The following IFT140 variants were observed in gnomAD, a reference collection of about 807,000 sequenced individuals.
IFT140 encodes intraflagellar transport 140, also known as intraflagellar transport protein 140 homolog.
Under a neutral mutation model 164.6 loss-of-function variants are expected in IFT140, and 133 were observed. That is an observed-to-expected ratio of 0.81 (90% confidence interval 0.70 to 0.93). IFT140 has a LOEUF of 0.93. IFT140 is among the 40% of genes least tolerant of loss of function. The pLI is 0.00. For synonymous variants in IFT140, 860 were observed against 817.3 expected (o/e 1.05, Z -0.89); for missense variants, 2,045 against 1,972.3 (o/e 1.04, Z -0.70).
intron 19 of IFT140, among the ~76,000 whole-genome samples, chr16:1,547,729 T>A (rs546490043): frequency 4.9e-4 from 75 of 152,190 alleles, no homozygotes; most frequent in Middle Eastern, 6.8e-3. Context: ...AGAGATGGGG[T>A]TTCACCATGT....
rs2141180025 is a variant in IFT140, at chr16:1,526,001, C to T, written c.2654G>A (p.Trp885Ter). The change falls in exon 21 of 31, where the codon TGG (tryptophan) becomes TAG (stop). Residue 885 changes from tryptophan to a stop codon, truncating the protein, a stop_gained. Coordinates refer to ENST00000426508, the MANE Select transcript of IFT140 (RefSeq NM_014714.4). LOFTEE classifies it high-confidence loss of function. Reference sequence around the variant, plus strand: ...CTCGGCTACCTGGAGGGCCTCCTGCCACCGGCCCGCAGCCTGGTAGAACTT... The same window carrying T: ...CTCGGCTACCTGGAGGGCCTCCTGCTACCGGCCCGCAGCCTGGTAGAACTT... ...LNKFYQAAGR[W>*]QEALQVAEHH... 6.2e-7 allele frequency: 1 copy of T among 1,600,032 alleles called. No homozygotes were observed. The highest frequency in any genetic ancestry group is 8.5e-7 in the Non-Finnish European group (1 of 1,173,860).
At chr16:1,540,800 G>A (rs891390387) in intron 19 of IFT140, 1 of 982,190 alleles carries the variant, frequency 1.0e-6, no homozygotes, top group African/African-American at 1.7e-5. Flanking sequence ...ACTTAGTTTT[G>A]GGAATCGAAT....
chr16:1,604,963 A>G (rs2035985816), intron 3 of IFT140, among the ~76,000 whole-genome samples: 1 of 152,056 alleles, frequency 6.6e-6, no homozygotes, highest in Non-Finnish European at 1.5e-5. Context: ...ATTTCAGTTC[A>G]GTTTTGTACA....
At chr16:1,552,192 G>C (rs1157853952) in intron 19 of IFT140, among the ~76,000 whole-genome samples, 4 of 152,284 alleles carry the variant, frequency 2.6e-5, no homozygotes, top group Admixed American at 2.0e-4. Flanking sequence ...GGAGAAACAG[G>C]CTGTGGCCAT....
rs537123341 is a variant in IFT140 at position 1,580,814 on chromosome 16, T to G, written c.1469A>C (p.His490Pro). Residue 490 changes from histidine (H) to proline (P), a missense_variant, in exon 13 of 31, where the codon CAT becomes CCT. Coordinates refer to ENST00000426508, the MANE Select transcript of IFT140 (RefSeq NM_014714.4). ...CTCCACCGTGTAAACGTTTTCTTCATGCATTGCTAACACAGGCGTCTCACA... is the reference window on the plus strand; with the variant it reads ...CTCCACCGTGTAAACGTTTTCTTCAGGCATTGCTAACACAGGCGTCTCACA... ...FLCETPVLAM[H>P]EENVYTVESN... is the part of the protein sequence containing the mutation. 2 of 1,613,964 alleles carry G rather than the reference T, an allele frequency of 1.2e-6. No homozygotes were observed.
Position 1,524,638 on chromosome 16 carries a change from G to A in IFT140, c.3055C>T (p.Gln1019Ter). The A allele has an allele frequency of 6.3e-7, 1 of 1,595,568 alleles. No individual in the cohort carries two copies. Among genetic ancestry groups the A allele is most frequent in the Non-Finnish European group, 8.6e-7 (1 of 1,168,158 alleles). ...NLAASYHLAR[Q>*]YESQEEVGQA... is the part of the protein sequence containing the mutation. ...CCGACCTCCTCCTGGCTCTCGTACTGGCGGGCGAGGTGGTAGGAGGCCGCC... is the reference window on the plus strand; with the variant it reads ...CCGACCTCCTCCTGGCTCTCGTACTAGCGGGCGAGGTGGTAGGAGGCCGCC... Residue 1019 changes from glutamine (Q) to a stop codon, truncating the protein, a stop_gained, in exon 24 of 31, where the codon CAG becomes TAG. Coordinates refer to ENST00000426508, the MANE Select transcript of IFT140 (RefSeq NM_014714.4). LOFTEE classifies it high-confidence loss of function.
intron 30 of IFT140, among the ~76,000 whole-genome samples, chr16:1,515,646 C>G (rs2040314453): frequency 6.6e-6 from 1 of 152,182 alleles, no homozygotes; most frequent in African/African-American, 2.4e-5. Flanking sequence ...ATCCTCCCAC[C>G]TTGGCCTCCC....
chr16:1,601,473 G>A (rs2035792896), intron 4 of IFT140, among the ~76,000 whole-genome samples: 1 of 152,186 alleles, frequency 6.6e-6, no homozygotes, highest in Admixed American at 6.5e-5. Flanking sequence ...TAGGCCTCAG[G>A]AGAGTGGCGT....
At chr16:1,589,376 T>G (rs1210973818) in intron 7 of IFT140, among the ~76,000 whole-genome samples, 1 of 152,206 alleles carries the variant, frequency 6.6e-6, no homozygotes, top group Non-Finnish European at 1.5e-5. Flanking sequence ...CCATCAGGCC[T>G]CACATCCACC....
chr16:1,564,288 T>G lies in IFT140; in HGVS notation c.1902-126A>C. 1.4e-6 allele frequency: 1 copy of G among 701,618 alleles called. No homozygotes were observed. The highest frequency in any genetic ancestry group is 2.1e-6 in the Non-Finnish European group (1 of 465,728). 43.5% of individuals were successfully genotyped at this position (701,618 alleles called of 1,614,324 possible). A position where few individuals can be genotyped will look rare whatever the true frequency, so the allele number is the denominator to read the frequency against. ...ACCATGGTGTCCACGCGCTCAGCTCTGGGAGAACTTTTGGGGTCTCACTGC... is the reference window on the plus strand; with the variant it reads ...ACCATGGTGTCCACGCGCTCAGCTCGGGGAGAACTTTTGGGGTCTCACTGC... On this transcript the variant is annotated intron_variant, in intron 16 of 30. Coordinates refer to ENST00000426508, the MANE Select transcript of IFT140 (RefSeq NM_014714.4). The surrounding 1 kb of genome is among the most constrained non-coding windows in gnomAD (Gnocchi z 5.5).
chr16:1,521,032 G>A (rs888256544), intron 26 of IFT140, among the ~76,000 whole-genome samples: 6 of 152,226 alleles, frequency 3.9e-5, no homozygotes, highest in Admixed American at 2.0e-4. Context: ...TGGAACGAAG[G>A]AAACAATAGT....
At chr16:1,566,792 C>G (rs376742719) in intron 15 of IFT140, among the ~76,000 whole-genome samples, 1 of 152,130 alleles carries the variant, frequency 6.6e-6, no homozygotes. Context: ...CAGTGTTAAC[C>G]CCTCAGAATG....
At chr16:1,610,145 A>C (rs1299072868) in intron 2 of IFT140, 1 of 154,664 alleles carries the variant, frequency 6.5e-6, no homozygotes, top group African/African-American at 2.4e-5. Context: ...TCTCGGGGAC[A>C]GGCACCCGGG....
intron 15 of IFT140, among the ~76,000 whole-genome samples, chr16:1,566,608 C>T (rs959474935): frequency 2.2e-4 from 34 of 152,134 alleles, no homozygotes; most frequent in Admixed American, 5.2e-4. Flanking sequence ...ATTGCAGGTG[C>T]GGGATAACCG....
intron 19 of IFT140, among the ~76,000 whole-genome samples, chr16:1,539,738 T>C (rs1206798399): frequency 6.6e-6 from 1 of 152,228 alleles, no homozygotes; most frequent in Non-Finnish European, 1.5e-5. Flanking sequence ...CTGCTGCCGC[T>C]TCCCATGGCC....
intron 13 of IFT140, chr16:1,580,262 G>A (rs79879825): frequency 0.015 from 2,322 of 152,960 alleles, 61 homozygotes; most frequent in African/African-American, 0.053. Flanking sequence ...AGCACCTGAC[G>A]CGGGAAATCC....
At chr16:1,590,414 C>G (rs1403006101) in intron 6 of IFT140, among the ~76,000 whole-genome samples, 1 of 152,026 alleles carries the variant, frequency 6.6e-6, no homozygotes, top group African/African-American at 2.4e-5. Flanking sequence ...CACGCTGAGG[C>G]CCTAAATGAC....
At chr16:1,518,073 A>T in intron 30 of IFT140, 143 bp downstream of exon 30, 2 of 755,340 alleles carry the variant, frequency 2.6e-6, no homozygotes, top group Non-Finnish European at 4.2e-6. Flanking sequence ...CCTGGGCTCA[A>T]GTCATTCTCC....
At chr16:1,547,597 T>G (rs1182574286) in intron 19 of IFT140, among the ~76,000 whole-genome samples, 2 of 152,140 alleles carry the variant, frequency 1.3e-5, no homozygotes, top group African/African-American at 4.8e-5. Flanking sequence ...AGTGCAGTGG[T>G]GCAATCTGGG....
Sources: gnomAD v4.1 joint callset for allele counts (sites outside exome capture counted in the v4.1 genomes callset) on GRCh38, gnomAD v4.1.1 for gene constraint, Gnocchi (gnomAD v3.1) non-coding constraint, MANE v1.5 for transcripts, NCBI Gene and HGNC (gene_info 2026-07-23, HGNC 2026-07-21) for gene names.